The following SRD5A2 variants were observed in gnomAD, a reference collection of about 807,000 sequenced individuals.
SRD5A2 encodes steroid 5 alpha-reductase 2.
A neutral mutation model predicts 27.4 loss-of-function variants in SRD5A2; 30 were observed. The ratio of observed to expected loss-of-function variants is 1.10; its 90% confidence interval spans 0.82 to 1.49. The LOEUF (loss-of-function observed/expected upper bound fraction) is 1.49. Ranked by LOEUF, SRD5A2 falls within the 40% of genes most tolerant of loss-of-function variation. The pLI is 0.00. For synonymous variants in SRD5A2, 141 were observed against 133.6 expected (o/e 1.06, Z -0.38); for missense variants, 348 against 323.4 (o/e 1.08, Z -0.58).
At chr2:31,575,599 TAAAGCAA>T (rs1415164852) in intron 1 of SRD5A2, among the ~76,000 whole-genome samples, 1 of 152,078 alleles carries the variant, frequency 6.6e-6, no homozygotes, top group African/African-American at 2.4e-5. Flanking sequence ...AACTGACTAA[TAAAGCAA>T]AAAGCACCTT....
At chr2:31,638,287 G>A in the SRD5A2 span, among the ~76,000 whole-genome samples, 1 of 151,980 alleles carries the variant, frequency 6.6e-6, no homozygotes, top group Non-Finnish European at 1.5e-5. Flanking sequence ...ACTGTGGTCA[G>A]GAAGGTCACC....
At chr2:31,591,524 T>C in the SRD5A2 span, among the ~76,000 whole-genome samples, 2 of 151,962 alleles carry the variant, frequency 1.3e-5, no homozygotes, top group African/African-American at 4.8e-5. Flanking sequence ...TGGAAGTCAG[T>C]GTGGTGATTC....
At chr2:31,533,112 T>C (rs1665950497) in intron 2 of SRD5A2, among the ~76,000 whole-genome samples, 1 of 152,158 alleles carries the variant, frequency 6.6e-6, no homozygotes, top group Non-Finnish European at 1.5e-5. Flanking sequence ...TAGTGAATTA[T>C]ATGTGTAGCC....
the SRD5A2 span, among the ~76,000 whole-genome samples, chr2:31,642,995 AG>A: frequency 6.7e-4 from 102 of 152,250 alleles, no homozygotes; most frequent in Non-Finnish European, 9.7e-4. Context: ...GGAAAAAAAA[AG>A]ATCAGAAAAA....
chr2:31,598,343 C>G, the SRD5A2 span, among the ~76,000 whole-genome samples: 2 of 151,858 alleles, frequency 1.3e-5, no homozygotes, highest in East Asian at 3.9e-4. Flanking sequence ...ATAATGGGTG[C>G]AGTGTACCCT....
At chr2:31,623,645 T>C in the SRD5A2 span, among the ~76,000 whole-genome samples, 4 of 152,210 alleles carry the variant, frequency 2.6e-5, no homozygotes, top group African/African-American at 7.2e-5. Context: ...AAATGTTGAA[T>C]AGGAGTGGTG....
chr2:31,589,279 G>C, the SRD5A2 span, among the ~76,000 whole-genome samples: 1 of 152,180 alleles, frequency 6.6e-6, no homozygotes, highest in Admixed American at 6.5e-5. Flanking sequence ...GCCAGCCCCC[G>C]GGCCCTCATC....
chr2:31,594,770 A>T, the SRD5A2 span, among the ~76,000 whole-genome samples: 1 of 152,202 alleles, frequency 6.6e-6, no homozygotes, highest in Non-Finnish European at 1.5e-5. Flanking sequence ...TTTCATCAGA[A>T]CATGGAATAT....
intron 1 of SRD5A2, among the ~76,000 whole-genome samples, chr2:31,572,662 G>A (rs1666875659): frequency 6.6e-6 from 1 of 152,052 alleles, no homozygotes; most frequent in Non-Finnish European, 1.5e-5. Context: ...GCAAGTAAAG[G>A]GCATTGACTG....
chr2:31,632,641 A>G, the SRD5A2 span, among the ~76,000 whole-genome samples: 1 of 152,096 alleles, frequency 6.6e-6, no homozygotes, highest in Non-Finnish European at 1.5e-5. Context: ...CCTGTCCTGG[A>G]CAACTGTCCT....
the SRD5A2 span, among the ~76,000 whole-genome samples, chr2:31,594,938 A>G: frequency 6.6e-6 from 1 of 152,222 alleles, no homozygotes; most frequent in Non-Finnish European, 1.5e-5. Flanking sequence ...TGGAAATTCA[A>G]TAATCTGCTC....
chr2:31,597,889 T>C, the SRD5A2 span, among the ~76,000 whole-genome samples: 3 of 152,146 alleles, frequency 2.0e-5, no homozygotes, highest in Non-Finnish European at 4.4e-5. Flanking sequence ...TGGAAAGCAG[T>C]ATGGAGATTC....
the SRD5A2 span, among the ~76,000 whole-genome samples, chr2:31,601,084 C>T: frequency 2.0e-3 from 311 of 152,006 alleles, no homozygotes; most frequent in African/African-American, 6.8e-3. Context: ...CAGACCTGAA[C>T]TGAAGGAGAC....
upstream of SRD5A2, among the ~76,000 whole-genome samples, chr2:31,581,720 T>C (rs960181397): frequency 6.6e-6 from 1 of 152,092 alleles, no homozygotes; most frequent in Middle Eastern, 3.2e-3. Context: ...CCCGGTCCCC[T>C]AGAGTGGCCC....
At chr2:31,539,293 A>G (rs1666084886) in intron 1 of SRD5A2, among the ~76,000 whole-genome samples, 1 of 152,214 alleles carries the variant, frequency 6.6e-6, no homozygotes, top group Non-Finnish European at 1.5e-5. Flanking sequence ...ATAAAATGGA[A>G]CCATCACAGA....
chr2:31,601,058 A>C, the SRD5A2 span, among the ~76,000 whole-genome samples: 1 of 152,026 alleles, frequency 6.6e-6, no homozygotes, highest in Non-Finnish European at 1.5e-5. Flanking sequence ...AGCAGAAGAC[A>C]AGAAATAACC....
At chr2:31,657,260 G>C in the SRD5A2 span, among the ~76,000 whole-genome samples, 1 of 152,310 alleles carries the variant, frequency 6.6e-6, no homozygotes, top group East Asian at 1.9e-4. Context: ...AAAACTGGGT[G>C]TGGGGTATGA....
At chr2:31,533,577 G>A (rs1487728983) in intron 2 of SRD5A2, 26 bp downstream of exon 2, 1 of 1,548,668 alleles carries the variant, frequency 6.5e-7, no homozygotes, top group East Asian at 2.4e-5. Flanking sequence ...CTGGGAAGTA[G>A]GTGAGAAGTG....
Position 31,534,644 on chromosome 2 carries a change from G to A in SRD5A2, c.282-878C>T, listed in dbSNP as rs28383042. On this transcript the variant is annotated intron_variant, in intron 1 of 4. Transcript: ENST00000622030. ...CACACACACATGTACAAATGCACACGCACATGCTCATGCTAGACAACCACA... is the reference window on the plus strand; with the variant it reads ...CACACACACATGTACAAATGCACACACACATGCTCATGCTAGACAACCACA... Among the ~76,000 whole-genome samples the A allele has an allele frequency of 6.6e-3, 1,006 of 152,150 alleles. 6 individuals are homozygous for A. The highest frequency in any genetic ancestry group is 0.017 in the South Asian group (83 of 4,818).
Sources: gnomAD v4.1 joint callset for allele counts (sites outside exome capture counted in the v4.1 genomes callset) on GRCh38, gnomAD v4.1.1 for gene constraint, MANE v1.5 for transcripts, NCBI Gene and HGNC (gene_info 2026-07-23, HGNC 2026-07-21) for gene names.